The following DOCK3 variants were observed in gnomAD, a reference collection of about 807,000 sequenced individuals.
DOCK3 encodes dedicator of cytokinesis protein 3.
DOCK3 carries 60 observed loss-of-function variants against 265.6 expected under a neutral mutation model. The observed-to-expected ratio is 0.23, with a 90% CI of 0.18 to 0.28. The LOEUF is 0.28. Among genes scored for constraint, DOCK3 ranks in the 10% least tolerant of loss-of-function variants. The pLI, the probability that DOCK3 is intolerant of heterozygous loss-of-function variation, is 1.00. For missense variants in DOCK3, 1,981 were observed against 2,594.3 expected, an observed-to-expected ratio of 0.76 and a Z score of 5.14; for synonymous variants, 881 against 938.0, an observed-to-expected ratio of 0.94 and a Z score of 1.11.
chr3:50,788,567 A>ACCTCC (rs1315540237), intron 2 of DOCK3, among the ~76,000 whole-genome samples: 29 of 152,234 alleles, frequency 1.9e-4, no homozygotes, highest in Admixed American at 5.2e-4. Context: ...CGCCTAGATC[A>ACCTCC]ATGCCTTGGC....
intron 5 of DOCK3, among the ~76,000 whole-genome samples, chr3:50,990,648 T>C (rs1412890669): frequency 1.3e-5 from 2 of 152,072 alleles, no homozygotes; most frequent in African/African-American, 4.8e-5. Flanking sequence ...GATCACAAGG[T>C]CCCACAGTAG....
At chr3:51,017,737 C>T (rs2079410206) in intron 5 of DOCK3, among the ~76,000 whole-genome samples, 1 of 151,672 alleles carries the variant, frequency 6.6e-6, no homozygotes, top group African/African-American at 2.4e-5. Context: ...TGTTTTAAGA[C>T]TTGTTTTGTG....
At chr3:50,803,281 C>T (rs181986458) in intron 2 of DOCK3, among the ~76,000 whole-genome samples, 9 of 152,002 alleles carry the variant, frequency 5.9e-5, no homozygotes, top group South Asian at 2.1e-4. Flanking sequence ...TGACTCTTAA[C>T]GAGCATGCTG....
chr3:51,349,858 GGT>G (rs537379834), intron 39 of DOCK3, among the ~76,000 whole-genome samples: 188 of 152,302 alleles, frequency 1.2e-3, no homozygotes, highest in African/African-American at 4.3e-3. Context: ...GCAAAATGGT[GGT>G]GAGAATTGAT....
intron 9 of DOCK3, among the ~76,000 whole-genome samples, chr3:51,133,265 C>T (rs1183016284): frequency 6.6e-6 from 1 of 151,744 alleles, no homozygotes; most frequent in Non-Finnish European, 1.5e-5. Flanking sequence ...CTGCACCCAT[C>T]AGCTCATCAT....
chr3:51,354,616 T>C (rs1392620010), intron 40 of DOCK3, among the ~76,000 whole-genome samples: 1 of 152,148 alleles, frequency 6.6e-6, no homozygotes, highest in Non-Finnish European at 1.5e-5. Flanking sequence ...ATCTCCCACC[T>C]TGCTCTCTTT....
intron 31 of DOCK3, among the ~76,000 whole-genome samples, chr3:51,314,621 A>G (rs1371411832): frequency 6.6e-6 from 1 of 152,228 alleles, no homozygotes; most frequent in African/African-American, 2.4e-5. Context: ...TTCTTGTTAA[A>G]TAAACACTGT....
rs545389414 is a variant in DOCK3 at position 51,128,713 on chromosome 3, C to T, written c.747-17836C>T. On this transcript the variant is annotated intron_variant, in intron 9 of 52. Transcript: ENST00000266037. ...ACAGCTGGCTGATCACCTTGAGGAA[C>T]GGTGCCATATCGAGGGCTCAGTGTT... is the stretch of plus-strand genomic sequence containing the variant. 5.3e-5 allele frequency among the ~76,000 whole-genome samples: 8 copies of T among 152,296 alleles called. No homozygotes were observed. In the East Asian group the frequency reaches 1.2e-3, roughly 22 times the overall value.
At chr3:50,936,379 A>C (rs1455719613) in intron 5 of DOCK3, among the ~76,000 whole-genome samples, 1 of 151,600 alleles carries the variant, frequency 6.6e-6, no homozygotes, top group Non-Finnish European at 1.5e-5. Flanking sequence ...GAGCCAAAAA[A>C]AAATTTTTTT....
At chr3:51,018,859 A>T (rs1411410592) in intron 5 of DOCK3, among the ~76,000 whole-genome samples, 1 of 151,914 alleles carries the variant, frequency 6.6e-6, no homozygotes, top group East Asian at 1.9e-4. Context: ...AAAAATTACC[A>T]GTGTTTTTAT....
chr3:50,850,439 TGAATTCTTTATCTGTCATTTCTGAG>T (rs1314822163), intron 3 of DOCK3, among the ~76,000 whole-genome samples: 1 of 152,198 alleles, frequency 6.6e-6, no homozygotes, highest in Non-Finnish European at 1.5e-5. Flanking sequence ...GTCCATGCTT[TGAATTCTTTATCTGTCATTTCTGAG>T]GAATTCTTTA....
At chr3:51,140,158 T>C (rs1290697664) in intron 9 of DOCK3, among the ~76,000 whole-genome samples, 1 of 152,220 alleles carries the variant, frequency 6.6e-6, no homozygotes, top group Non-Finnish European at 1.5e-5. Flanking sequence ...GTTCAGTGGC[T>C]TTTATTATGT....
intron 2 of DOCK3, among the ~76,000 whole-genome samples, chr3:50,823,790 G>C (rs1019936522): frequency 1.3e-5 from 2 of 151,034 alleles, no homozygotes; most frequent in Admixed American, 1.3e-4. Context: ...TGGCCGGGCC[G>C]GGGGGCTGAC....
At chr3:51,338,070 T>TG (rs2084981941) in intron 35 of DOCK3, among the ~76,000 whole-genome samples, 1 of 152,228 alleles carries the variant, frequency 6.6e-6, no homozygotes, top group South Asian at 2.1e-4. Flanking sequence ...TACCCTTTTG[T>TG]GCCAAGGACA....
intron 4 of DOCK3, among the ~76,000 whole-genome samples, chr3:50,925,501 C>G (rs1412489083): frequency 6.6e-6 from 1 of 151,952 alleles, no homozygotes; most frequent in African/African-American, 2.4e-5. Flanking sequence ...TATGATCATG[C>G]CTGTGAATAG....
chr3:51,376,597 C>T (rs781694431), intron 51 of DOCK3, among the ~76,000 whole-genome samples: 1 of 152,154 alleles, frequency 6.6e-6, no homozygotes, highest in Non-Finnish European at 1.5e-5. Context: ...GCCTCATATC[C>T]GCCCCTCTCC....
At chr3:50,882,861 C>G (rs1383001607) in intron 3 of DOCK3, among the ~76,000 whole-genome samples, 3 of 152,138 alleles carry the variant, frequency 2.0e-5, no homozygotes, top group Non-Finnish European at 4.4e-5. Flanking sequence ...AAACTTGTAA[C>G]CAACCCAAAT....
intron 5 of DOCK3, among the ~76,000 whole-genome samples, chr3:50,996,327 C>T (rs919010898): frequency 6.6e-6 from 1 of 151,866 alleles, no homozygotes; most frequent in African/African-American, 2.4e-5. Context: ...ATGCCATTCT[C>T]CTGCCTCAGC....
chr3:50,737,461 C>A (rs2038713708), intron 1 of DOCK3, among the ~76,000 whole-genome samples: 1 of 152,186 alleles, frequency 6.6e-6, no homozygotes, highest in Non-Finnish European at 1.5e-5. Flanking sequence ...AATCACCTCC[C>A]ACCAGGCCCC....
Sources: gnomAD v4.1 joint callset for allele counts (sites outside exome capture counted in the v4.1 genomes callset) on GRCh38, gnomAD v4.1.1 for gene constraint, MANE v1.5 for transcripts, NCBI Gene and HGNC (gene_info 2026-07-23, HGNC 2026-07-21) for gene names.